FHL2: variants seen among roughly 807,000 people sequenced by gnomAD.
FHL2 encodes four and a half LIM domains protein 2.
Under a neutral mutation model 32.7 loss-of-function variants are expected in FHL2, and 20 were observed. That is an observed-to-expected ratio of 0.61 (90% CI 0.43 to 0.89). The LOEUF (loss-of-function observed/expected upper bound fraction) is 0.89. Ranked by LOEUF, FHL2 falls within the 40% of genes least tolerant of loss-of-function variation. FHL2 has a pLI of 0.00. For synonymous variants in FHL2, 123 were observed against 128.1 expected, an observed-to-expected ratio of 0.96 and a Z score of 0.27; for missense variants, 311 against 358.6, an observed-to-expected ratio of 0.87 and a Z score of 1.07.
At position 105,367,610 on chromosome 2, in the gene FHL2, T is replaced by C. The variant is rs777630943; in HGVS notation, c.461A>G (p.Tyr154Cys). The C allele has an allele frequency of 1.2e-6, 2 of 1,614,210 alleles. No individual in the cohort carries two copies. Among genetic ancestry groups the C allele is most frequent in the Non-Finnish European group, 1.7e-6 (2 of 1,180,000 alleles). Residue 154 changes from tyrosine (Y) to cysteine (C), a missense_variant, in exon 5 of 7, where the codon TAT (tyrosine) becomes TGT (cysteine). By Grantham distance (194) the Tyr-to-Cys change is radical. Coordinates refer to ENST00000530340, the MANE Select transcript of FHL2 (RefSeq NM_001318895.3). Reference protein sequence around the residue: ...KDNQNFCVPCYEKQHAMQCVQ... With the variant: ...KDNQNFCVPCCEKQHAMQCVQ... Reference sequence around the variant, plus strand: ...GCACTGCATGGCATGTTGTTTCTCATAGCAGGGCACACAGAAATTCTGATT... The same window carrying C: ...GCACTGCATGGCATGTTGTTTCTCACAGCAGGGCACACAGAAATTCTGATT...
At chr2:105,371,359 G>A (rs796841990) in intron 4 of FHL2, among the ~76,000 whole-genome samples, 3 of 152,264 alleles carry the variant, frequency 2.0e-5, no homozygotes, top group African/African-American at 7.2e-5. Flanking sequence ...TTCCCTAAGG[G>A]CAACTAATTC....
chr2:105,362,784 A>G (rs145276282), intron 6 of FHL2, among the ~76,000 whole-genome samples: 46 of 152,292 alleles, frequency 3.0e-4, no homozygotes, highest in African/African-American at 1.1e-3. Flanking sequence ...TTGGGCTCTC[A>G]CTTAGCTGAA....
upstream of FHL2, among the ~76,000 whole-genome samples, chr2:105,403,577 C>T (rs954528137): frequency 6.6e-6 from 1 of 152,154 alleles, no homozygotes; most frequent in Non-Finnish European, 1.5e-5. Context: ...CAGCAGGATC[C>T]CCTGCAAACC....
intron 2 of FHL2, among the ~76,000 whole-genome samples, chr2:105,393,395 G>A (rs12614625): frequency 0.16 from 24,610 of 152,208 alleles, 2,234 homozygotes; most frequent in South Asian, 0.23. Context: ...AGATGTCACC[G>A]GGGATCCGCA....
chr2:105,361,269 T>C lies in FHL2; in HGVS notation c.*14A>G. 6.2e-7 allele frequency: 1 copy of C among 1,605,830 alleles called. No homozygotes were observed. Among genetic ancestry groups the C allele is most frequent in the Non-Finnish European group, 8.5e-7 (1 of 1,175,402 alleles). ...GTGTGTGAGATCACAAGCAGCAACT[T>C]CTCTGTGTTGAATTCAGATGTCTTT... is the stretch of plus-strand genomic sequence containing the variant. On this transcript the variant is annotated 3_prime_UTR_variant, in exon 7 of 7. Transcript: ENST00000530340.
At chr2:105,362,397 A>T (rs998005106) in intron 6 of FHL2, among the ~76,000 whole-genome samples, 4 of 152,224 alleles carry the variant, frequency 2.6e-5, no homozygotes, top group African/African-American at 9.6e-5. Context: ...GAGTTAGGTG[A>T]ACTTGGTTCT....
intron 4 of FHL2, among the ~76,000 whole-genome samples, chr2:105,368,285 A>G (rs1221717542): frequency 6.6e-6 from 1 of 152,226 alleles, no homozygotes; most frequent in Admixed American, 6.5e-5. Flanking sequence ...TGATGTATCT[A>G]GGTAGTTTTA....
chr2:105,365,317 A>C (rs1271288226), intron 5 of FHL2, among the ~76,000 whole-genome samples: 1 of 147,344 alleles, frequency 6.8e-6, no homozygotes, highest in Non-Finnish European at 1.5e-5. Flanking sequence ...CCAGCATCAG[A>C]TCCCCAGTGC....
chr2:105,398,035 C>G (rs1237386827), intron 1 of FHL2, among the ~76,000 whole-genome samples: 1 of 151,918 alleles, frequency 6.6e-6, no homozygotes, highest in Non-Finnish European at 1.5e-5. Flanking sequence ...TGATTCTAAA[C>G]CCAAATTGTG....
upstream of FHL2, among the ~76,000 whole-genome samples, chr2:105,401,217 T>TAC (rs1245920716): frequency 2.0e-5 from 3 of 152,150 alleles, no homozygotes; most frequent in Non-Finnish European, 4.4e-5. Context: ...ATAATGTGAT[T>TAC]ACACACACAC....
In FHL2 at chr2:105,391,693, G is replaced by T. The variant is rs1403146305; in HGVS notation, c.-25+4954C>A. On this transcript the variant is annotated intron_variant, in intron 2 of 6. Transcript: ENST00000530340. ...AATGACTCCTAAAAAATGTATCAGG[G>T]TATCAGAGCCCATTTCTGAATGATT... Among the ~76,000 whole-genome samples the T allele has an allele frequency of 7.2e-5, 11 of 152,146 alleles. No homozygotes were observed. In the East Asian group the frequency reaches 1.9e-3, roughly 27 times the overall value.
intron 1 of FHL2, among the ~76,000 whole-genome samples, chr2:105,434,943 T>C (rs1222252416): frequency 6.6e-6 from 1 of 152,150 alleles, no homozygotes; most frequent in African/African-American, 2.4e-5. Context: ...TGGTAATAAT[T>C]AGACTGTTTT....
intron 2 of FHL2, among the ~76,000 whole-genome samples, chr2:105,388,821 G>A (rs1009593663): frequency 6.8e-6 from 1 of 146,040 alleles, no homozygotes; most frequent in Non-Finnish European, 1.5e-5. Context: ...GCAACAGAGC[G>A]AGACTCCGTC....
intron 2 of FHL2, chr2:105,390,072 CA>C (rs61299316): frequency 1.0e-4 from 15 of 149,300 alleles, no homozygotes; most frequent in South Asian, 6.4e-4. Context: ...ACTAAAAATA[CA>C]AAAAAAAAAT....
downstream of FHL2, chr2:105,360,365 CT>C (rs1181628906): frequency 1.0e-3 from 144 of 139,680 alleles, no homozygotes; most frequent in African/African-American, 1.2e-3. Context: ...TGACTGAAGG[CT>C]TTTTTTTTTT....
chr2:105,410,431 G>C (rs548730911), intron 1 of FHL2, among the ~76,000 whole-genome samples: 1 of 152,252 alleles, frequency 6.6e-6, no homozygotes, highest in African/African-American at 2.4e-5. Flanking sequence ...GAGTTAAACT[G>C]AATGTGAGCC....
At chr2:105,377,851 C>T in intron 3 of FHL2, 1 of 354,158 alleles carries the variant, frequency 2.8e-6, no homozygotes, top group South Asian at 2.2e-5. Context: ...AGATCCTTGG[C>T]CTCTCTCTGG....
chr2:105,374,860 C>T (rs906343250), intron 3 of FHL2, among the ~76,000 whole-genome samples: 1 of 152,206 alleles, frequency 6.6e-6, no homozygotes, highest in African/African-American at 2.4e-5. Context: ...TCCATTTATA[C>T]ATGAGGCAGA....
chr2:105,362,338 C>T (rs1300223244), intron 6 of FHL2, among the ~76,000 whole-genome samples: 1 of 152,206 alleles, frequency 6.6e-6, no homozygotes, highest in Non-Finnish European at 1.5e-5. Context: ...ATGAGCTCTG[C>T]ATTACACATG....
Sources: gnomAD v4.1 joint callset for allele counts (sites outside exome capture counted in the v4.1 genomes callset) on GRCh38, gnomAD v4.1.1 for gene constraint, MANE v1.5 for transcripts, NCBI Gene and HGNC (gene_info 2026-07-23, HGNC 2026-07-21) for gene names.